AMOTL1: variants seen among roughly 807,000 people sequenced by gnomAD.
AMOTL1 encodes angiomotin like 1.
In AMOTL1, 45 loss-of-function variants were observed where a neutral mutation model predicts 102.9. The ratio of observed to expected loss-of-function variants is 0.44; its 90% CI spans 0.34 to 0.56. The LOEUF (loss-of-function observed/expected upper bound fraction) is 0.56. Ranked by LOEUF, AMOTL1 falls within the 20% of genes least tolerant of loss-of-function variation. AMOTL1 has a pLI of 0.01. For synonymous variants in AMOTL1, 481 were observed against 484.7 expected, an observed-to-expected ratio of 0.99 and a Z score of 0.10; for missense variants, 1,114 against 1,225.6, an observed-to-expected ratio of 0.91 and a Z score of 1.36.
intron 4 of AMOTL1, among the ~76,000 whole-genome samples, chr11:94,823,393 A>G (rs180942404): frequency 2.0e-5 from 3 of 152,222 alleles, no homozygotes; most frequent in African/African-American, 7.2e-5. Context: ...GCACCCTTAG[A>G]AGTTGGGAAA....
At chr11:94,775,574 C>T (rs1209051919) in intron 1 of AMOTL1, among the ~76,000 whole-genome samples, 1 of 151,916 alleles carries the variant, frequency 6.6e-6, no homozygotes, top group Non-Finnish European at 1.5e-5. Flanking sequence ...CTGTAGTAAC[C>T]ACTAGTCACT....
chr11:94,818,705 A>G (rs947242370), intron 3 of AMOTL1, among the ~76,000 whole-genome samples: 1 of 152,090 alleles, frequency 6.6e-6, no homozygotes, highest in Non-Finnish European at 1.5e-5. Context: ...TATAGTTTGG[A>G]CTGAATTCTA....
rs558015966 is a variant in AMOTL1 at position 94,794,477 on chromosome 11, G to C, written c.50-534G>C. Among the ~76,000 whole-genome samples the C allele has an allele frequency of 5.9e-5, 9 of 152,346 alleles. No individual in the cohort carries two copies. The South Asian group carries it at 1.9e-3, about 32-fold the overall frequency. ...CAGAAGACCAGACCCCATTGCCCCA[G>C]CTCCACACTGTAACATTAGACTCCA... On this transcript the variant is annotated intron_variant, in intron 1 of 12. Coordinates refer to ENST00000433060, the MANE Select transcript of AMOTL1 (RefSeq NM_130847.3).
At chr11:94,836,050 A>G (rs1370358984) in intron 6 of AMOTL1, among the ~76,000 whole-genome samples, 1 of 152,210 alleles carries the variant, frequency 6.6e-6, no homozygotes, top group Non-Finnish European at 1.5e-5. Context: ...TCTGTCTCTT[A>G]TAGAACTTAA....
At chr11:94,713,230 A>G (rs1950045402) in intron 1 of AMOTL1, among the ~76,000 whole-genome samples, 1 of 151,866 alleles carries the variant, frequency 6.6e-6, no homozygotes, top group Non-Finnish European at 1.5e-5. Context: ...ATCTCTGACA[A>G]TACCACACTC....
chr11:94,767,133 C>T (rs1565344019), upstream of AMOTL1, among the ~76,000 whole-genome samples: 1 of 152,200 alleles, frequency 6.6e-6, no homozygotes, highest in African/African-American at 2.4e-5. Context: ...TGCCTGTTTT[C>T]TGTTCACACA....
At chr11:94,840,666 A>ATG in intron 6 of AMOTL1, among the ~76,000 whole-genome samples, 1 of 125,478 alleles carries the variant, frequency 8.0e-6, no homozygotes, top group Non-Finnish European at 1.6e-5. Flanking sequence ...ATATATATAT[A>ATG]TATATATATA....
At chr11:94,780,144 C>T (rs960806916) in intron 1 of AMOTL1, among the ~76,000 whole-genome samples, 3 of 152,114 alleles carry the variant, frequency 2.0e-5, no homozygotes, top group Non-Finnish European at 2.9e-5. Context: ...TTCTTTTCCT[C>T]TTGTTTGTAA....
intron 1 of AMOTL1, among the ~76,000 whole-genome samples, chr11:94,716,994 G>T (rs1407073178): frequency 3.3e-5 from 5 of 151,968 alleles, no homozygotes; most frequent in Non-Finnish European, 5.9e-5. Flanking sequence ...CCTGCCTCTG[G>T]CCAGAGCCAG....
chr11:94,817,598 G>A (rs1951787132), intron 3 of AMOTL1, among the ~76,000 whole-genome samples: 1 of 152,124 alleles, frequency 6.6e-6, no homozygotes, highest in Non-Finnish European at 1.5e-5. Flanking sequence ...ATATAAAATT[G>A]TATGCCATAG....
At position 94,872,282 on chromosome 11, in the gene AMOTL1, T is replaced by G. The variant is rs1478991689; in HGVS notation, c.*1487T>G. Reference sequence around the variant, plus strand: ...TGGATTAGAAAAGAGGAGAAGCTCATCGGGCCATCAGAGAGATGCTCCTAC... The same window carrying G: ...TGGATTAGAAAAGAGGAGAAGCTCAGCGGGCCATCAGAGAGATGCTCCTAC... On this transcript the variant is annotated 3_prime_UTR_variant, in exon 13 of 13. Transcript: ENST00000433060. 1 of 152,174 alleles carries G rather than the reference T, an allele frequency of 6.6e-6. No homozygotes were observed. The highest frequency in any genetic ancestry group is 1.5e-5 in the Non-Finnish European group (1 of 68,050). 9.4% of individuals were successfully genotyped at this position (152,174 alleles called of 1,614,324 possible). A position where few individuals can be genotyped will look rare whatever the true frequency, so the allele number is the denominator to read the frequency against.
intron 4 of AMOTL1, among the ~76,000 whole-genome samples, chr11:94,829,233 T>A (rs939178718): frequency 6.6e-6 from 1 of 151,734 alleles, no homozygotes; most frequent in Non-Finnish European, 1.5e-5. Context: ...TTTTTTTTTT[T>A]TTTTGGTGAG....
intron 1 of AMOTL1, among the ~76,000 whole-genome samples, chr11:94,713,044 GT>G (rs908851295): frequency 6.7e-6 from 1 of 150,246 alleles, no homozygotes; most frequent in African/African-American, 2.4e-5. Context: ...GTTTTTTTTT[GT>G]TTTTTGTTTT....
intron 3 of AMOTL1, among the ~76,000 whole-genome samples, chr11:94,818,841 A>G (rs1458945462): frequency 6.6e-6 from 1 of 152,180 alleles, no homozygotes; most frequent in African/African-American, 2.4e-5. Flanking sequence ...GTGCTTTCTT[A>G]AAGCCCTGCA....
At position 94,871,878 on chromosome 11, in the gene AMOTL1, A is replaced by G. The variant is rs1953003761; in HGVS notation, c.*1083A>G. Reference sequence around the variant, plus strand: ...GACAGCACTCCAGGAAACAGATGACAATTTACAGACAGTTGTCTCAGTGGT... The same window carrying G: ...GACAGCACTCCAGGAAACAGATGACGATTTACAGACAGTTGTCTCAGTGGT... On this transcript the variant is annotated 3_prime_UTR_variant, in exon 13 of 13. Coordinates refer to ENST00000433060, the MANE Select transcript of AMOTL1 (RefSeq NM_130847.3). The G allele has an allele frequency of 6.6e-6, 1 of 152,066 alleles. No individual in the cohort carries two copies. The highest frequency in any genetic ancestry group is 1.5e-5 in the Non-Finnish European group (1 of 68,018). The allele number at this position is 152,066 out of a possible 1,614,324, so 9.4% of individuals were successfully genotyped here. A position where few individuals can be genotyped will look rare whatever the true frequency, so the allele number is the denominator to read the frequency against.
rs1591995317 is a variant in AMOTL1 at position 94,816,253 on chromosome 11, C to T, written c.1122-5277C>T. On this transcript the variant is annotated intron_variant, in intron 3 of 12. Transcript: ENST00000433060. Reference sequence around the variant, plus strand: ...TCCCGTAAGTTTTATTCCTCGGGTGCTGTTTGTTTGTTGTGGCCTTACACT... The same window carrying T: ...TCCCGTAAGTTTTATTCCTCGGGTGTTGTTTGTTTGTTGTGGCCTTACACT... 2.0e-5 allele frequency among the ~76,000 whole-genome samples: 3 copies of T among 152,082 alleles called. No homozygotes were observed. In the East Asian group the frequency reaches 5.8e-4, roughly 29 times the overall value.
At chr11:94,851,898 T>A (rs1215070708) in intron 7 of AMOTL1, among the ~76,000 whole-genome samples, 1 of 152,226 alleles carries the variant, frequency 6.6e-6, no homozygotes, top group Non-Finnish European at 1.5e-5. Context: ...TCAAGCTTCT[T>A]GCAATTGCTT....
intron 2 of AMOTL1, among the ~76,000 whole-genome samples, chr11:94,796,787 C>T (rs1262039162): frequency 3.3e-5 from 5 of 151,922 alleles, no homozygotes; most frequent in African/African-American, 7.3e-5. Context: ...TATTTTAATA[C>T]CAAAAATGTA....
intron 1 of AMOTL1, among the ~76,000 whole-genome samples, chr11:94,716,511 C>T (rs1294508785): frequency 6.6e-6 from 1 of 152,086 alleles, no homozygotes; most frequent in East Asian, 1.9e-4. Context: ...TGGGGCTTAG[C>T]GTATAAGTTC....
Sources: allele counts gnomAD v4.1 joint callset (sites outside exome capture counted in the v4.1 genomes callset), GRCh38; gene constraint gnomAD v4.1.1; transcripts MANE v1.5; gene names NCBI Gene and HGNC (gene_info 2026-07-23, HGNC 2026-07-21).